ST6GALNAC4: variants seen among roughly 807,000 people sequenced by gnomAD.
ST6GALNAC4 encodes the protein ST6 N-acetylgalactosaminide alpha-2,6-sialyltransferase 4, also known as alpha-N-acetyl-neuraminyl-2,3-beta-galactosyl-1,3-N-acetyl-galactosaminide alpha-2,6-sialyltransferase.
A neutral mutation model predicts 30.4 loss-of-function variants in ST6GALNAC4; 24 were observed. The observed-to-expected ratio is 0.79, with a 90% confidence interval of 0.57 to 1.11. The LOEUF is 1.11. ST6GALNAC4 is among the 50% of genes most tolerant of loss of function. The probability of loss-of-function intolerance (pLI) is 0.00; values close to 1 mark genes in which losing one functional copy is unlikely to be tolerated. For synonymous variants in ST6GALNAC4, 156 were observed against 179.7 expected (o/e 0.87, Z 1.05); for missense variants, 365 against 430.1 (o/e 0.85, Z 1.34).
rs144088782 is a variant in ST6GALNAC4, at chr9:127,912,396, G to A, written c.483C>T (p.Leu161=). 4.0e-5 allele frequency: 65 copies of A among 1,613,978 alleles called. No homozygotes were observed. Among genetic ancestry groups the A allele is most frequent in the Middle Eastern group, 1.6e-4 (1 of 6,082 alleles). Residue 161 remains leucine, a synonymous_variant, in exon 4 of 6, where the codon CTC becomes CTT. Coordinates refer to ENST00000335791, the MANE Select transcript of ST6GALNAC4 (RefSeq NM_175039.4). The stretch of plus-strand genomic sequence containing the variant: ...GCAGCGTGCGGTAGGTGCGGCCGCC[G>A]AGCACCCGGTCCATGTGCCTGCCCT... ...WGQGRHMDRV[L]GGRTYRTLLQ...
Position 127,916,509 on chromosome 9 carries a change from A to C in ST6GALNAC4, c.-75-15T>G. ...GAGCCGGGCACCTGCCAAGACCCAGAAACTCAGAGCCGGGAGGGGTAAGGC... is the reference window on the plus strand; with the variant it reads ...GAGCCGGGCACCTGCCAAGACCCAGCAACTCAGAGCCGGGAGGGGTAAGGC... On this transcript the variant is annotated splice_polypyrimidine_tract_variant and intron_variant, in intron 1 of 5. Coordinates refer to ENST00000335791, the MANE Select transcript of ST6GALNAC4 (RefSeq NM_175039.4). 2.6e-6 allele frequency: 4 copies of C among 1,536,764 alleles called. No homozygotes were observed. Among genetic ancestry groups the C allele is most frequent in the Non-Finnish European group, 3.6e-6 (4 of 1,110,782 alleles).
intron 1 of ST6GALNAC4, 32 bp from the exon 2 acceptor site, chr9:127,916,526 G>T: frequency 7.3e-7 from 1 of 1,379,188 alleles, no homozygotes. Context: ...GAGCCGGGAG[G>T]GGTAAGGCAG....
At chr9:127,909,550 GAT>G (rs138520698) in intron 5 of ST6GALNAC4, among the ~76,000 whole-genome samples, 40 of 145,624 alleles carry the variant, frequency 2.7e-4, no homozygotes, top group African/African-American at 4.5e-4. Context: ...ACATATCACT[GAT>G]ATATATATAT....
intron 5 of ST6GALNAC4, 75 bp downstream of exon 5, chr9:127,909,876 A>G (rs1009594518): frequency 1.4e-6 from 2 of 1,446,016 alleles, no homozygotes; most frequent in Non-Finnish European, 1.9e-6. Context: ...ACAGCTCCCA[A>G]ATCCTCTGGT....
At chr9:127,913,534 G>A (rs1039672467) in intron 3 of ST6GALNAC4, among the ~76,000 whole-genome samples, 1 of 152,174 alleles carries the variant, frequency 6.6e-6, no homozygotes, top group Admixed American at 6.5e-5. Context: ...GCAGTGAGCC[G>A]AGATTGCGCC....
chr9:127,908,380 GGAC>G lies in ST6GALNAC4; in HGVS notation c.*9_*11del. The G allele has an allele frequency of 6.6e-7, 1 of 1,519,110 alleles. No homozygotes were observed. Among genetic ancestry groups the G allele is most frequent in the Non-Finnish European group, 8.9e-7 (1 of 1,122,850 alleles). 94.1% of individuals were successfully genotyped at this position (1,519,110 alleles called of 1,614,324 possible). A position where few individuals can be genotyped will look rare whatever the true frequency, so the allele number is the denominator to read the frequency against. ...CCTCGCAACGGCATGGCGACTGGCA[GGAC>G]GACGGAAGCTACTCAGTCCTCCAGG... is the stretch of plus-strand genomic sequence containing the variant. On this transcript the variant is annotated 3_prime_UTR_variant, in exon 6 of 6. Transcript: ENST00000335791.
chr9:127,915,091 T>G (rs1185889334), intron 2 of ST6GALNAC4, among the ~76,000 whole-genome samples: 1 of 151,738 alleles, frequency 6.6e-6, no homozygotes, highest in Non-Finnish European at 1.5e-5. Flanking sequence ...TGGAGTGAAG[T>G]GTGTAGTACA....
chr9:127,908,655 A>G, intron 5 of ST6GALNAC4, 74 bp from the exon 6 acceptor site: 1 of 1,394,274 alleles, frequency 7.2e-7, no homozygotes, highest in Non-Finnish European at 9.6e-7. Context: ...GCCTACCTTG[A>G]CCACCCCTCG....
intron 4 of ST6GALNAC4, 174 bp from the exon 5 acceptor site, chr9:127,910,232 G>A (rs777837770): frequency 8.9e-5 from 126 of 1,409,824 alleles, no homozygotes; most frequent in Non-Finnish European, 1.1e-4. Context: ...AGCAGTGGGT[G>A]ACAGGCAGAG....
rs749103750 is a variant in ST6GALNAC4 at position 127,912,466 on chromosome 9, T to C, written c.413A>G (p.His138Arg). 1.2e-5 allele frequency: 19 copies of C among 1,613,834 alleles called. No homozygotes were observed. The highest frequency in any genetic ancestry group is 5.0e-5 in the Admixed American group (3 of 60,006). The change falls in exon 4 of 6, where the codon CAC becomes CGC. Residue 138 changes from histidine to arginine, a missense_variant. Physicochemically the swap from His to Arg is conservative, Grantham distance 29 (BLOSUM62 0). Coordinates refer to ENST00000335791, the MANE Select transcript of ST6GALNAC4 (RefSeq NM_175039.4). ...SVPLLLRNYS[H>R]YFQKARDTLY... ...CGTGTCTCGGGCCTTCTGGAAGTAG[T>C]GTGAATAGTTGCGCAGCAGCAGCGG... is the stretch of plus-strand genomic sequence containing the variant.
Position 127,914,834 on chromosome 9 carries a change from A to G in ST6GALNAC4, c.20T>C (p.Leu7Pro). 1 of 1,501,506 alleles carries G rather than the reference A, an allele frequency of 6.7e-7. No individual in the cohort carries two copies. The highest frequency in any genetic ancestry group is 1.3e-5 in the South Asian group (1 of 76,996). The allele number at this position is 1,501,506 out of a possible 1,614,324, so 93.0% of individuals were successfully genotyped here. A position where few individuals can be genotyped will look rare whatever the true frequency, so the allele number is the denominator to read the frequency against. ...CACGGAGCACAGGATGATGAGCACG[A>G]GCCGACCCTGAGGGAGACAGTGGCC... MKAPGR[L>P]VLIILCSVVF... is the part of the protein sequence containing the mutation. Residue 7 changes from leucine (L) to proline (P), a missense_variant, in exon 3 of 6, where the codon CTC (leucine) becomes CCC (proline). Leu to Pro is a moderately conservative substitution (Grantham distance 98). Coordinates refer to ENST00000335791, the MANE Select transcript of ST6GALNAC4 (RefSeq NM_175039.4).
intron 2 of ST6GALNAC4, 167 bp from the exon 3 acceptor site, chr9:127,915,008 C>G (rs1026282921): frequency 3.7e-6 from 2 of 540,080 alleles, no homozygotes; most frequent in African/African-American, 3.9e-5. Flanking sequence ...CCTGGGGATG[C>G]CAAGCTCTGG....
At chr9:127,916,331 G>C in intron 2 of ST6GALNAC4, 77 bp downstream of exon 2, 1 of 1,594,064 alleles carries the variant, frequency 6.3e-7, no homozygotes, top group Non-Finnish European at 8.6e-7. Context: ...AGTGGGTCCT[G>C]GGGTGGAGAG....
At position 127,910,025 on chromosome 9, in the gene ST6GALNAC4, C is replaced by A; in HGVS notation, c.645G>T (p.Trp215Cys). ...GCTCCAGCGCGAGGATCATGGTGAA[C>A]CAGCCGGTGCTGAGGAAGGAGCCCG... The part of the protein sequence containing the change: ...RQSGSFLSTG[W>C]FTMILALELC... Residue 215 changes from tryptophan (W) to cysteine (C), a missense_variant, in exon 5 of 6, where the codon TGG (tryptophan) becomes TGT (cysteine). Trp to Cys is a radical substitution (Grantham distance 215, BLOSUM62 -2). Coordinates refer to ENST00000335791, the MANE Select transcript of ST6GALNAC4 (RefSeq NM_175039.4). 1 of 1,613,532 alleles carries A rather than the reference C, an allele frequency of 6.2e-7. No homozygotes were observed.
At chr9:127,913,918 A>T (rs1831133750) in intron 3 of ST6GALNAC4, among the ~76,000 whole-genome samples, 1 of 152,204 alleles carries the variant, frequency 6.6e-6, no homozygotes, top group Non-Finnish European at 1.5e-5. Flanking sequence ...CACCGAGCGC[A>T]TGATGGCCTA....
chr9:127,908,375 T>C lies in ST6GALNAC4; in HGVS notation c.*17A>G. 7.3e-6 allele frequency: 11 copies of C among 1,515,338 alleles called. No homozygotes were observed. Among genetic ancestry groups the C allele is most frequent in the Non-Finnish European group, 9.8e-6 (11 of 1,121,226 alleles). The allele number at this position is 1,515,338 out of a possible 1,614,324, so 93.9% of individuals were successfully genotyped here. ...GGAGGCCTCGCAACGGCATGGCGAC[T>C]GGCAGGACGACGGAAGCTACTCAGT... On this transcript the variant is annotated 3_prime_UTR_variant, in exon 6 of 6. Coordinates refer to ENST00000335791, the MANE Select transcript of ST6GALNAC4 (RefSeq NM_175039.4).
At chr9:127,914,081 C>T (rs980919385) in intron 3 of ST6GALNAC4, among the ~76,000 whole-genome samples, 4 of 149,958 alleles carry the variant, frequency 2.7e-5, no homozygotes, top group African/African-American at 9.9e-5. Flanking sequence ...CTCTCTCTCT[C>T]TCAAACAAAC....
At chr9:127,913,796 T>C (rs939164737) in intron 3 of ST6GALNAC4, among the ~76,000 whole-genome samples, 5 of 152,090 alleles carry the variant, frequency 3.3e-5, no homozygotes, top group African/African-American at 1.2e-4. Flanking sequence ...CATGAGCCTG[T>C]AGTCCCAGGG....
chr9:127,910,716 G>C (rs1426592877), intron 4 of ST6GALNAC4, among the ~76,000 whole-genome samples: 1 of 152,116 alleles, frequency 6.6e-6, no homozygotes, highest in Non-Finnish European at 1.5e-5. Context: ...CTACAGAGCG[G>C]GTATGAACTG....
Sources: gnomAD v4.1 joint callset for allele counts (sites outside exome capture counted in the v4.1 genomes callset) on GRCh38, gnomAD v4.1.1 for gene constraint, MANE v1.5 for transcripts, NCBI Gene and HGNC (gene_info 2026-07-23, HGNC 2026-07-21) for gene names.